The following TMEM132D variants were observed in gnomAD, a reference collection of about 807,000 sequenced individuals.
TMEM132D encodes the protein transmembrane protein 132D, also known as mature OL transmembrane protein.
A neutral mutation model predicts 62.3 loss-of-function variants in TMEM132D; 21 were observed. The ratio of observed to expected loss-of-function variants is 0.34; its 90% CI spans 0.24 to 0.49. The LOEUF is 0.49. Among genes scored for constraint, TMEM132D ranks in the 20% least tolerant of loss-of-function variants. The probability of loss-of-function intolerance (pLI) is 0.99; values close to 1 mark genes in which losing one functional copy is unlikely to be tolerated. For missense variants in TMEM132D, 1,346 were observed against 1,402.8 expected (o/e 0.96, Z 0.65); for synonymous variants, 621 against 575.6 (o/e 1.08, Z -1.13).
rs574387593 is a variant in TMEM132D, at chr12:129,559,506, A to G, written c.969-28301T>C. 2.6e-5 allele frequency among the ~76,000 whole-genome samples: 4 copies of G among 152,354 alleles called. No homozygotes were observed. In the South Asian group the frequency reaches 8.3e-4, roughly 32 times the overall value. On this transcript the variant is annotated intron_variant, in intron 2 of 8. Transcript: ENST00000422113. ...GAAGACGCTGGTTATTTTTTCCAGC[A>G]GGTACAAAAGCCTGTGAGTCTTACG...
intron 3 of TMEM132D, among the ~76,000 whole-genome samples, chr12:129,402,028 G>A (rs373325445): frequency 2.7e-4 from 41 of 152,290 alleles, no homozygotes; most frequent in African/African-American, 9.6e-4. Flanking sequence ...CTGGCTACGA[G>A]GGCTGCATTT....
chr12:129,730,837 C>A (rs570360434), intron 1 of TMEM132D, among the ~76,000 whole-genome samples: 1 of 151,992 alleles, frequency 6.6e-6, no homozygotes, highest in East Asian at 2.0e-4. Flanking sequence ...ACATCAGACT[C>A]CAAGTTCTTC....
At chr12:129,166,967 C>G (rs1877580760) in intron 5 of TMEM132D, among the ~76,000 whole-genome samples, 1 of 151,880 alleles carries the variant, frequency 6.6e-6, no homozygotes, top group South Asian at 2.1e-4. Flanking sequence ...AGTTCGAGAC[C>G]AACCTGGCCA....
At chr12:129,861,907 G>T (rs566840619) in intron 1 of TMEM132D, among the ~76,000 whole-genome samples, 1 of 152,074 alleles carries the variant, frequency 6.6e-6, no homozygotes, top group East Asian at 1.9e-4. Context: ...CTGATGACCA[G>T]ATGGCCCCAC....
intron 2 of TMEM132D, among the ~76,000 whole-genome samples, chr12:129,539,581 T>TG (rs200752438): frequency 0.024 from 3,631 of 149,922 alleles, 153 homozygotes; most frequent in African/African-American, 0.084. Context: ...TCTATTTTTT[T>TG]TTTTTCTTTT....
chr12:129,380,878 T>C (rs549107599), intron 3 of TMEM132D, among the ~76,000 whole-genome samples: 12 of 152,366 alleles, frequency 7.9e-5, no homozygotes, highest in African/African-American at 2.9e-4. Context: ...TGAAGATTCT[T>C]CCAAGCTGTT....
chr12:129,500,799 ATTGTAT>A (rs1428498533), intron 3 of TMEM132D, among the ~76,000 whole-genome samples: 1 of 152,168 alleles, frequency 6.6e-6, no homozygotes, highest in African/African-American at 2.4e-5. Context: ...CAAAAGCTTA[ATTGTAT>A]TTGTGTTATT....
chr12:129,695,236 G>A (rs968768310), intron 2 of TMEM132D, among the ~76,000 whole-genome samples: 2 of 152,162 alleles, frequency 1.3e-5, no homozygotes, highest in African/African-American at 4.8e-5. Context: ...GACAGCCAAG[G>A]GGGGCAGCAG....
rs553511615 is a variant in TMEM132D, at chr12:129,268,108, C to T, written c.1300-58445G>A. On this transcript the variant is annotated intron_variant, in intron 4 of 8. Coordinates refer to ENST00000422113, the MANE Select transcript of TMEM132D (RefSeq NM_133448.3). ...AGAAGAAAACCTAGGCAATACCATT[C>T]AGGACATAGGCATGGGCAAGGACTT... Among the ~76,000 whole-genome samples the T allele has an allele frequency of 7.9e-5, 12 of 152,308 alleles. No individual in the cohort carries two copies. The South Asian group carries it at 1.5e-3, about 18-fold the overall frequency.
At position 129,719,218 on chromosome 12, in the gene TMEM132D, G is replaced by A. The variant is rs118189534; in HGVS notation, c.80-18520C>T. On this transcript the variant is annotated intron_variant, in intron 1 of 8. Transcript: ENST00000422113. ...AGGCTGCAGTGAGCCGAGATCGCAC[G>A]ACTACACTACAGCCTGGGTGACAGA... Among the ~76,000 whole-genome samples the A allele has an allele frequency of 6.3e-3, 963 of 151,982 alleles. 27 individuals carry two copies. The East Asian group carries it at 0.082, about 13-fold the overall frequency.
chr12:129,166,696 CACACACACACACACACATAT>C (rs1877563500), intron 5 of TMEM132D, among the ~76,000 whole-genome samples: 3 of 140,828 alleles, frequency 2.1e-5, no homozygotes, highest in African/African-American at 5.3e-5. Context: ...CATACACACA[CACACACACACACACACATAT>C]ACACACACAC....
chr12:129,900,132 T>C (rs765503577), intron 1 of TMEM132D, among the ~76,000 whole-genome samples: 55 of 152,298 alleles, frequency 3.6e-4, no homozygotes, highest in South Asian at 8.3e-4. Context: ...AATGTATTCA[T>C]ATCACCTCTC....
intron 1 of TMEM132D, among the ~76,000 whole-genome samples, chr12:129,702,897 T>G (rs1214598538): frequency 2.0e-5 from 3 of 152,210 alleles, no homozygotes; most frequent in African/African-American, 7.2e-5. Flanking sequence ...ACTGTCCTCT[T>G]GGCTTCCATC....
At chr12:129,565,649 G>A (rs1162913319) in intron 2 of TMEM132D, among the ~76,000 whole-genome samples, 1 of 152,218 alleles carries the variant, frequency 6.6e-6, no homozygotes, top group Non-Finnish European at 1.5e-5. Context: ...CATTCTGCCT[G>A]GTCTTTCAGA....
At chr12:129,592,840 C>A (rs1330661225) in intron 2 of TMEM132D, among the ~76,000 whole-genome samples, 1 of 147,464 alleles carries the variant, frequency 6.8e-6, no homozygotes, top group Non-Finnish European at 1.5e-5. Flanking sequence ...GGACACAGCT[C>A]CGAAGCAGGA....
chr12:129,488,099 G>T (rs887400647), intron 3 of TMEM132D, among the ~76,000 whole-genome samples: 1 of 152,070 alleles, frequency 6.6e-6, no homozygotes, highest in Admixed American at 6.5e-5. Context: ...TCTTGGAAGC[G>T]AGAGCAGCTC....
intron 3 of TMEM132D, among the ~76,000 whole-genome samples, chr12:129,347,894 A>C (rs1027934681): frequency 7.2e-5 from 11 of 152,242 alleles, no homozygotes; most frequent in African/African-American, 2.4e-4. Context: ...AACGTGGGCA[A>C]AGGATATGAA....
chr12:129,451,980 C>T (rs1331377170), intron 3 of TMEM132D, among the ~76,000 whole-genome samples: 1 of 152,166 alleles, frequency 6.6e-6, no homozygotes, highest in East Asian at 1.9e-4. Context: ...TAGCAATCTG[C>T]CATAGAGACA....
chr12:129,865,255 G>T (rs1874021132), intron 1 of TMEM132D, among the ~76,000 whole-genome samples: 1 of 152,222 alleles, frequency 6.6e-6, no homozygotes, highest in Non-Finnish European at 1.5e-5. Context: ...AGAGTTCCAG[G>T]CAGAGGGAAC....
Sources: gnomAD v4.1 joint callset for allele counts (sites outside exome capture counted in the v4.1 genomes callset) on GRCh38, gnomAD v4.1.1 for gene constraint, MANE v1.5 for transcripts, NCBI Gene and HGNC (gene_info 2026-07-23, HGNC 2026-07-21) for gene names.